KPNA6: variants seen among roughly 807,000 people sequenced by gnomAD.
KPNA6 encodes the protein importin subunit alpha-7.
In KPNA6, 9 loss-of-function variants were observed where a neutral mutation model predicts 72.0. The observed-to-expected ratio is 0.13, with a 90% CI of 0.08 to 0.22. The LOEUF (loss-of-function observed/expected upper bound fraction) is 0.22. KPNA6 is among the 10% of genes least tolerant of loss of function. KPNA6 has a pLI of 1.00. For missense variants in KPNA6, 374 were observed against 655.7 expected (o/e 0.57, Z 4.69); for synonymous variants, 219 against 242.1 (o/e 0.90, Z 0.89).
rs750419526 is a variant in KPNA6 at position 32,170,916 on chromosome 1, G to C, written c.*22G>C. The stretch of plus-strand genomic sequence containing the variant: ...ATAATATCTGCCTCCAGGGAGGGGA[G>C]GGGATGGGAAGCACCACCAGCCAGC... On this transcript the variant is annotated 3_prime_UTR_variant, in exon 14 of 14. Coordinates refer to ENST00000373625, the MANE Select transcript of KPNA6 (RefSeq NM_012316.5). 6.2e-7 allele frequency: 1 copy of C among 1,609,020 alleles called. No homozygotes were observed. Among genetic ancestry groups the C allele is most frequent in the South Asian group, 1.1e-5 (1 of 90,960 alleles).
chr1:32,161,140 CAA>C (rs1642230308), intron 7 of KPNA6, among the ~76,000 whole-genome samples: 1 of 149,396 alleles, frequency 6.7e-6, no homozygotes, highest in Non-Finnish European at 1.5e-5. Flanking sequence ...TCAGCCTGGG[CAA>C]AAGAGTGAAA....
chr1:32,162,365 C>G lies in KPNA6; in HGVS notation c.752C>G (p.Ser251Cys). Residue 251 changes from serine to cysteine, a missense_variant, in exon 9 of 14, where the codon TCT (serine) becomes TGT (cysteine). Ser to Cys is a moderately radical substitution (Grantham distance 112). This residue lies in a region of KPNA6 where 298 missense variants were observed against 495.4 expected (regional missense o/e 0.60). Coordinates refer to ENST00000373625, the MANE Select transcript of KPNA6 (RefSeq NM_012316.5). ...TTCTCACTCTGCTTCCCACAGGTCT[C>G]TCCTTGTTTGCCTGTACTGTCTCGC... Reference protein sequence around the residue: ...KNPPPEFAKVSPCLPVLSRLL... With the variant: ...KNPPPEFAKVCPCLPVLSRLL... 1.3e-6 allele frequency: 2 copies of G among 1,592,692 alleles called. No individual in the cohort carries two copies. The highest frequency in any genetic ancestry group is 1.7e-6 in the Non-Finnish European group (2 of 1,170,530).
chr1:32,157,476 T>C, intron 4 of KPNA6, 31 bp downstream of exon 4: 1 of 1,473,984 alleles, frequency 6.8e-7, no homozygotes, highest in Admixed American at 1.7e-5. Context: ...CAGAGAGGCC[T>C]TATATGATTT....
At chr1:32,170,654 CT>C in intron 13 of KPNA6, 52 bp from the exon 14 acceptor site, 1 of 1,482,526 alleles carries the variant, frequency 6.7e-7, no homozygotes, top group Non-Finnish European at 9.4e-7. Context: ...AATGTTTCAC[CT>C]GCCCATAGAA....
At chr1:32,128,426 T>TATATATATATATACAC (rs1491304508) in intron 1 of KPNA6, among the ~76,000 whole-genome samples, 2 of 99,172 alleles carry the variant, frequency 2.0e-5, no homozygotes, top group East Asian at 3.2e-4. Flanking sequence ...TATATATATA[T>TATATATATATATACAC]ACACACACAC....
chr1:32,120,871 C>CTT (rs767698422), intron 1 of KPNA6, among the ~76,000 whole-genome samples: 9,794 of 120,536 alleles, frequency 0.081, 587 homozygotes, highest in South Asian at 0.27. Context: ...GGAGTTCCTT[C>CTT]TTTTTTTTTT....
At chr1:32,123,961 G>T (rs1313932346) in intron 1 of KPNA6, among the ~76,000 whole-genome samples, 1 of 149,852 alleles carries the variant, frequency 6.7e-6, no homozygotes, top group African/African-American at 2.5e-5. Flanking sequence ...TTGAACCTGG[G>T]AGGTGGAGGT....
intron 1 of KPNA6, among the ~76,000 whole-genome samples, chr1:32,128,424 T>TAC (rs1242632187): frequency 9.4e-4 from 106 of 113,226 alleles, no homozygotes; most frequent in South Asian, 6.4e-3. Context: ...TATATATATA[T>TAC]ATACACACAC....
intron 1 of KPNA6, among the ~76,000 whole-genome samples, chr1:32,133,201 G>T (rs1481043480): frequency 1.3e-5 from 2 of 151,842 alleles, no homozygotes; most frequent in Non-Finnish European, 2.9e-5. Flanking sequence ...AAAATTAGCC[G>T]GGTGTGGTGG....
At chr1:32,153,576 A>C (rs1642078171) in intron 1 of KPNA6, among the ~76,000 whole-genome samples, 1 of 150,556 alleles carries the variant, frequency 6.6e-6, no homozygotes. Flanking sequence ...TGTCTCAAAA[A>C]AAAAAAAAAA....
intron 1 of KPNA6, among the ~76,000 whole-genome samples, chr1:32,145,275 C>T (rs567817942): frequency 7.5e-5 from 11 of 146,982 alleles, no homozygotes; most frequent in South Asian, 2.2e-4. Context: ...TTTTTATATA[C>T]GTTTTTCAGT....
rs1220892400 is a variant in KPNA6 at position 32,162,375 on chromosome 1, G to C, written c.762G>C (p.Leu254Phe). 6.2e-7 allele frequency: 1 copy of C among 1,601,968 alleles called. No individual in the cohort carries two copies. ...PPEFAKVSPC[L>F]PVLSRLLFSS... ...GCTTCCCACAGGTCTCTCCTTGTTT[G>C]CCTGTACTGTCTCGCCTACTCTTCA... is the stretch of plus-strand genomic sequence containing the variant. Residue 254 changes from leucine (L) to phenylalanine (F), a missense_variant, in exon 9 of 14, where the codon TTG (leucine) becomes TTC (phenylalanine). Around this residue, in one of 3 missense-constraint regions of KPNA6, gnomAD observed 298 missense variants for 495.4 expected, o/e 0.60. Transcript: ENST00000373625.
intron 10 of KPNA6, among the ~76,000 whole-genome samples, chr1:32,164,934 G>T (rs932117619): frequency 6.6e-6 from 1 of 151,646 alleles, no homozygotes; most frequent in Non-Finnish European, 1.5e-5. Flanking sequence ...GTCTGTCTTT[G>T]TCACCCAGGC....
intron 1 of KPNA6, among the ~76,000 whole-genome samples, chr1:32,148,485 A>G (rs1425598629): frequency 6.7e-6 from 1 of 148,386 alleles, no homozygotes; most frequent in Non-Finnish European, 1.5e-5. Context: ...GAAGTTTTTG[A>G]CCATATTTTT....
intron 1 of KPNA6, among the ~76,000 whole-genome samples, chr1:32,108,921 C>T (rs892589034): frequency 6.6e-6 from 1 of 152,190 alleles, no homozygotes; most frequent in African/African-American, 2.4e-5. Context: ...GATTTAGAGA[C>T]AGAACCAACA....
At chr1:32,134,713 T>C (rs991256634) in intron 1 of KPNA6, among the ~76,000 whole-genome samples, 4 of 151,524 alleles carry the variant, frequency 2.6e-5, no homozygotes, top group South Asian at 2.1e-4. Context: ...AAAATCATTA[T>C]GCTAAGTGAA....
intron 1 of KPNA6, among the ~76,000 whole-genome samples, chr1:32,141,374 CCTTTTTTTTTTTT>C (rs1641833423): frequency 1.6e-4 from 8 of 50,038 alleles, no homozygotes; most frequent in Non-Finnish European, 3.4e-4. Flanking sequence ...TTAAGTTAAT[CCTTTTTTTTTTTT>C]TTTTTTTTTT....
intron 1 of KPNA6, among the ~76,000 whole-genome samples, chr1:32,113,809 G>C (rs1316127797): frequency 6.6e-6 from 1 of 152,090 alleles, no homozygotes; most frequent in Non-Finnish European, 1.5e-5. Flanking sequence ...CCATTTGTTT[G>C]CCCACCCGTA....
intron 7 of KPNA6, 58 bp from the exon 8 acceptor site, chr1:32,161,889 G>T: frequency 7.7e-7 from 1 of 1,306,352 alleles, no homozygotes; most frequent in Non-Finnish European, 1.1e-6. Flanking sequence ...GGGTTCATTG[G>T]CAACAGTCCT....
Sources: allele counts gnomAD v4.1 joint callset (sites outside exome capture counted in the v4.1 genomes callset), GRCh38; gene constraint gnomAD v4.1.1; regional missense constraint gnomAD v4.1.1; transcripts MANE v1.5; gene names NCBI Gene and HGNC (gene_info 2026-07-23, HGNC 2026-07-21).